TRIM37: variants seen among roughly 807,000 people sequenced by gnomAD.
The protein encoded by TRIM37 is E3 ubiquitin-protein ligase TRIM37.
In TRIM37, 80 loss-of-function variants were observed where a neutral mutation model predicts 129.8. The ratio of observed to expected loss-of-function variants is 0.62; its 90% CI spans 0.51 to 0.74. The LOEUF is 0.74. TRIM37 is among the 30% of genes least tolerant of loss of function. The probability of loss-of-function intolerance (pLI) is 0.00; values close to 1 mark genes in which losing one functional copy is unlikely to be tolerated. For missense variants in TRIM37, 1,054 were observed against 1,176.5 expected (o/e 0.90, Z 1.52); for synonymous variants, 389 against 387.1 (o/e 1.00, Z -0.06).
the TRIM37 span, among the ~76,000 whole-genome samples, chr17:58,975,200 A>G: frequency 6.6e-6 from 1 of 152,236 alleles, no homozygotes; most frequent in Non-Finnish European, 1.5e-5. Context: ...TAGGTTTACA[A>G]CTCAAACCAA....
chr17:59,041,957 C>A, intron 16 of TRIM37, 59 bp from the exon 17 acceptor site: 2 of 1,209,752 alleles, frequency 1.7e-6, no homozygotes, highest in Non-Finnish European at 2.4e-6. Flanking sequence ...TTGTTTTTCA[C>A]ACCTCAATAA....
intron 9 of TRIM37, among the ~76,000 whole-genome samples, chr17:59,067,696 C>A (rs2042025538): frequency 6.6e-6 from 1 of 152,096 alleles, no homozygotes; most frequent in Non-Finnish European, 1.5e-5. Flanking sequence ...ACCACCACAC[C>A]CGGCTAATTT....
intron 3 of TRIM37, among the ~76,000 whole-genome samples, chr17:59,089,231 G>C (rs2044057721): frequency 2.0e-5 from 3 of 151,530 alleles, no homozygotes; most frequent in Admixed American, 2.0e-4. Context: ...TCCAGCCTGG[G>C]GAACAGAGTG....
In TRIM37 at chr17:58,999,423, C is replaced by T. The variant is rs774360780; in HGVS notation, c.2849G>A (p.Gly950Asp). 8.7e-6 allele frequency: 14 copies of T among 1,613,504 alleles called. 1 individual carries two copies. The East Asian group carries it at 2.0e-4, about 23-fold the overall frequency. ...HSSFPDGEQI[G>D]PEDLSFNTDE... The stretch of plus-strand genomic sequence containing the variant: ...TGTATTGAAGCTGAGATCTTCAGGG[C>T]CTATTTGTTCACCATCAGGAAAACT... Residue 950 changes from glycine to aspartate, a missense_variant, in exon 24 of 24, where the codon GGC becomes GAC. By Grantham distance (94) the Gly-to-Asp change is moderately conservative (BLOSUM62 -1). Coordinates refer to ENST00000262294, the MANE Select transcript of TRIM37 (RefSeq NM_015294.6).
intron 17 of TRIM37, among the ~76,000 whole-genome samples, chr17:59,035,086 G>A (rs1244443154): frequency 6.6e-6 from 1 of 151,814 alleles, no homozygotes; most frequent in East Asian, 1.9e-4. Flanking sequence ...TTGAGACAAA[G>A]TCTTGCTTTG....
At chr17:58,990,870 C>A (rs1349236802) in intron 24 of TRIM37, among the ~76,000 whole-genome samples, 3 of 149,860 alleles carry the variant, frequency 2.0e-5, no homozygotes, top group East Asian at 2.0e-4. Flanking sequence ...AACCACACCA[C>A]ACCTAAGAAA....
intron 18 of TRIM37, among the ~76,000 whole-genome samples, chr17:59,030,397 G>A (rs1344818926): frequency 6.6e-6 from 1 of 152,190 alleles, no homozygotes; most frequent in Non-Finnish European, 1.5e-5. Context: ...GTGAGCCACT[G>A]CGCCCAGCCC....
chr17:59,001,605 CG>C lies in TRIM37; in HGVS notation c.2804del (p.Pro935ArgfsTer15), dbSNP rs2033779969. The C allele has an allele frequency of 6.2e-7, 1 of 1,613,852 alleles. No individual in the cohort carries two copies. Among genetic ancestry groups the C allele is most frequent in the African/African-American group, 1.3e-5 (1 of 74,850 alleles). ...TGACATCATGTGCTGCACCTTCATCCGGGGGCTGTGTCATGACCATGAAGGA... is the reference window on the plus strand; with the variant it reads ...TGACATCATGTGCTGCACCTTCATCCGGGGCTGTGTCATGACCATGAAGGA... ...HDSFMVMTQP[P>X]DEDTHSSFPD... On this transcript the variant is annotated frameshift_variant, in exon 23 of 24. Coordinates refer to ENST00000262294, the MANE Select transcript of TRIM37 (RefSeq NM_015294.6). LOFTEE classifies it high-confidence loss of function.
chr17:58,972,756 C>G, the TRIM37 span: 1 of 1,277,732 alleles, frequency 7.8e-7, no homozygotes. Flanking sequence ...AGTATTATAT[C>G]TGTTGTTTAC....
At chr17:59,021,275 G>T (rs925592078) in intron 19 of TRIM37, among the ~76,000 whole-genome samples, 4 of 152,104 alleles carry the variant, frequency 2.6e-5, no homozygotes, top group Non-Finnish European at 5.9e-5. Context: ...CATGCCTGTA[G>T]TCGCAGCTAG....
chr17:58,969,733 C>T, the TRIM37 span: 1 of 1,613,418 alleles, frequency 6.2e-7, no homozygotes, highest in Non-Finnish European at 8.5e-7. Flanking sequence ...GGGAGGTATG[C>T]CCCTTTCTCA....
At chr17:58,993,467 AAAG>A (rs1444655953), downstream of TRIM37, among the ~76,000 whole-genome samples, 1 of 152,240 alleles carries the variant, frequency 6.6e-6, no homozygotes, top group Non-Finnish European at 1.5e-5. Flanking sequence ...CAGCAATAAA[AAAG>A]AAGGAGGTGC....
At chr17:59,079,601 C>T (rs1599406448) in intron 7 of TRIM37, among the ~76,000 whole-genome samples, 153 bp downstream of exon 7, 1 of 152,234 alleles carries the variant, frequency 6.6e-6, no homozygotes, top group Non-Finnish European at 1.5e-5. Flanking sequence ...TTTCTAAATA[C>T]AAGTCTAACA....
chr17:59,041,061 A>T (rs1304096582), intron 17 of TRIM37, among the ~76,000 whole-genome samples: 1 of 152,238 alleles, frequency 6.6e-6, no homozygotes, highest in Non-Finnish European at 1.5e-5. Flanking sequence ...TCAAAAAAAA[A>T]AAAAGAATAT....
At chr17:58,983,999 G>A (rs902654185) in intron 24 of TRIM37, 1 of 152,568 alleles carries the variant, frequency 6.6e-6, no homozygotes, top group African/African-American at 2.4e-5. Flanking sequence ...AGGGACATGA[G>A]GTTAGGCAAC....
chr17:59,004,743 G>A (rs144992770), intron 22 of TRIM37, among the ~76,000 whole-genome samples: 1 of 152,156 alleles, frequency 6.6e-6, no homozygotes, highest in African/African-American at 2.4e-5. Context: ...AGGAAAAATC[G>A]ATGGGTATTT....
intron 3 of TRIM37, 110 bp from the exon 4 acceptor site, chr17:59,088,517 ATTTTTTT>A (rs879379027): frequency 4.9e-6 from 2 of 412,294 alleles, no homozygotes; most frequent in Non-Finnish European, 8.8e-6. Flanking sequence ...CCATAACACT[ATTTTTTT>A]TTTTTAAGAG....
At position 59,106,493 on chromosome 17, in the gene TRIM37, C is replaced by T; in HGVS notation, c.-32G>A. ...CGGCTCTCGGCGGGGCCGCTGGCGA[C>T]CCGCAGGCTCCGCAGTCTGACCTCT... On this transcript the variant is annotated 5_prime_UTR_variant, in exon 1 of 24. Transcript: ENST00000262294. The T allele has an allele frequency of 6.2e-7, 1 of 1,613,022 alleles. No homozygotes were observed. Among genetic ancestry groups the T allele is most frequent in the Middle Eastern group, 1.7e-4 (1 of 6,048 alleles).
chr17:58,996,238 G>A (rs775881515), downstream of TRIM37, among the ~76,000 whole-genome samples: 3 of 152,012 alleles, frequency 2.0e-5, no homozygotes, highest in South Asian at 2.1e-4. Context: ...TTGGGAGGCC[G>A]AGGCGGGTGG....
Sources: allele counts gnomAD v4.1 joint callset (sites outside exome capture counted in the v4.1 genomes callset), GRCh38; gene constraint gnomAD v4.1.1; transcripts MANE v1.5; gene names NCBI Gene and HGNC (gene_info 2026-07-23, HGNC 2026-07-21).